SKIC3: variants seen among roughly 807,000 people sequenced by gnomAD.
SKIC3 encodes SKI3 subunit of superkiller complex, also known as superkiller complex protein 3.
the SKIC3 span, among the ~76,000 whole-genome samples, chr5:95,499,836 T>C: frequency 6.6e-6 from 1 of 152,146 alleles, no homozygotes; most frequent in Non-Finnish European, 1.5e-5. Flanking sequence ...TAGGTAAACA[T>C]CTAGCATTTT....
At chr5:95,508,645 C>A in the SKIC3 span, among the ~76,000 whole-genome samples, 3 of 152,184 alleles carry the variant, frequency 2.0e-5, no homozygotes, top group Non-Finnish European at 4.4e-5. Context: ...TTCTCTGGCC[C>A]TTTTCCCTAC....
chr5:95,480,590 G>C, the SKIC3 span, among the ~76,000 whole-genome samples: 5 of 152,170 alleles, frequency 3.3e-5, no homozygotes, highest in Non-Finnish European at 5.9e-5. Context: ...CACTGCTGGT[G>C]CAAGTGTAAA....
the SKIC3 span, chr5:95,512,609 C>T: frequency 6.2e-7 from 1 of 1,613,752 alleles, no homozygotes; most frequent in African/African-American, 1.3e-5. Flanking sequence ...TAACCTAATG[C>T]TCCTTCAGTC....
At chr5:95,479,713 GTA>G in the SKIC3 span, among the ~76,000 whole-genome samples, 2 of 141,030 alleles carry the variant, frequency 1.4e-5, no homozygotes, top group Non-Finnish European at 3.0e-5. Context: ...GTGTGTGTGT[GTA>G]TAGTTCATTA....
the SKIC3 span, among the ~76,000 whole-genome samples, chr5:95,473,430 T>C: frequency 6.6e-6 from 1 of 152,086 alleles, no homozygotes; most frequent in Non-Finnish European, 1.5e-5. Flanking sequence ...TACAGGTGCA[T>C]GCCACTACGC....
chr5:95,520,900 T>A, the SKIC3 span: 5 of 1,052,082 alleles, frequency 4.8e-6, no homozygotes, highest in Non-Finnish European at 7.3e-6. Context: ...GTTATTGGTG[T>A]TATTTTAAAG....
chr5:95,495,874 T>C, the SKIC3 span, among the ~76,000 whole-genome samples: 1 of 152,158 alleles, frequency 6.6e-6, no homozygotes, highest in Non-Finnish European at 1.5e-5. Context: ...TAAAAGATTT[T>C]AAAAACATAT....
the SKIC3 span, among the ~76,000 whole-genome samples, chr5:95,517,658 T>C: frequency 1.9e-4 from 29 of 152,248 alleles, no homozygotes; most frequent in South Asian, 4.1e-4. Context: ...ACTATGCTTT[T>C]TGTGTTTAAG....
the SKIC3 span, chr5:95,523,608 T>C: frequency 6.3e-7 from 1 of 1,586,410 alleles, no homozygotes; most frequent in Non-Finnish European, 8.6e-7. Context: ...TTCATTTATA[T>C]ACTCAGGATA....
the SKIC3 span, among the ~76,000 whole-genome samples, chr5:95,475,225 G>C: frequency 1.3e-5 from 2 of 152,136 alleles, no homozygotes; most frequent in Non-Finnish European, 2.9e-5. Flanking sequence ...TCATCTGGGA[G>C]GGTTGGTGAT....
chr5:95,545,909 T>C, the SKIC3 span, among the ~76,000 whole-genome samples: 1 of 152,146 alleles, frequency 6.6e-6, no homozygotes, highest in Non-Finnish European at 1.5e-5. Flanking sequence ...CCATCCAAAA[T>C]CTGAATTTCC....
the SKIC3 span, among the ~76,000 whole-genome samples, chr5:95,488,968 G>T: frequency 6.6e-6 from 1 of 152,012 alleles, no homozygotes; most frequent in East Asian, 1.9e-4. Context: ...TAGCTGAATG[G>T]ATTAAAAAAA....
the SKIC3 span, among the ~76,000 whole-genome samples, chr5:95,534,732 A>G: frequency 6.6e-6 from 1 of 151,882 alleles, no homozygotes. Context: ...CTTTCCCTCC[A>G]AGCCAGCCAG....
the SKIC3 span, among the ~76,000 whole-genome samples, chr5:95,519,199 A>T: frequency 2.0e-5 from 3 of 152,084 alleles, no homozygotes; most frequent in Non-Finnish European, 2.9e-5. Flanking sequence ...TTATGGTGAC[A>T]GAGGGCAATT....
At chr5:95,484,094 A>T in the SKIC3 span, among the ~76,000 whole-genome samples, 15 of 152,186 alleles carry the variant, frequency 9.9e-5, no homozygotes, top group Non-Finnish European at 1.9e-4. Flanking sequence ...TCAAATCACA[A>T]CTCTATCCAT....
chr5:95,481,805 G>C, the SKIC3 span, among the ~76,000 whole-genome samples: 248 of 152,226 alleles, frequency 1.6e-3, 2 homozygotes, highest in African/African-American at 5.8e-3. Context: ...ATATAAAAAA[G>C]CTGATATAAT....
the SKIC3 span, chr5:95,524,527 A>G: frequency 6.2e-7 from 1 of 1,613,848 alleles, no homozygotes; most frequent in Non-Finnish European, 8.5e-7. Context: ...ATGAACCAGT[A>G]TGTTAATCCA....
chr5:95,520,876 G>T, the SKIC3 span: 5 of 1,242,528 alleles, frequency 4.0e-6, no homozygotes, highest in South Asian at 3.7e-5. Flanking sequence ...CACTTAAAAT[G>T]AACTTCAAAT....
the SKIC3 span, among the ~76,000 whole-genome samples, chr5:95,519,008 T>C: frequency 6.6e-6 from 1 of 151,314 alleles, no homozygotes; most frequent in Non-Finnish European, 1.5e-5. Context: ...CTAACTGGGG[T>C]GACATGATAC....
Sources: allele counts gnomAD v4.1 joint callset (sites outside exome capture counted in the v4.1 genomes callset), GRCh38; gene constraint gnomAD v4.1.1; transcripts MANE v1.5; gene names NCBI Gene and HGNC (gene_info 2026-07-23, HGNC 2026-07-21).